CDKL3: variants seen among roughly 807,000 people sequenced by gnomAD.
CDKL3 encodes the protein cyclin dependent kinase like 3.
In CDKL3, 65 loss-of-function variants were observed where a neutral mutation model predicts 69.3. The ratio of observed to expected loss-of-function variants is 0.94; its 90% confidence interval spans 0.77 to 1.15. CDKL3 has a LOEUF of 1.15. CDKL3 is among the 50% of genes most tolerant of loss of function. The probability of loss-of-function intolerance (pLI) is 0.00; values close to 1 mark genes in which losing one functional copy is unlikely to be tolerated. For synonymous variants in CDKL3, 202 were observed against 221.6 expected, an observed-to-expected ratio of 0.91 and a Z score of 0.79; for missense variants, 652 against 689.2, an observed-to-expected ratio of 0.95 and a Z score of 0.61.
intron 6 of CDKL3, among the ~76,000 whole-genome samples, chr5:134,317,662 CAT>C (rs1156952393): frequency 1.3e-5 from 2 of 151,852 alleles, no homozygotes; most frequent in Non-Finnish European, 2.9e-5. Context: ...CACTGTGGCA[CAT>C]GTGTGTAATC....
At position 134,293,002 on chromosome 5, in the gene CDKL3, C is replaced by CTTTTTTT. The variant is rs558156596; in HGVS notation, c.*678-6450_*678-6444dup. Among the ~76,000 whole-genome samples the CTTTTTTT allele has an allele frequency of 7.5e-3, 329 of 43,942 alleles. 32 individuals carry two copies. The highest frequency in any genetic ancestry group is 0.01 in the Non-Finnish European group (237 of 22,828). The allele number at this position is 43,942 out of a possible 152,430, so 28.8% of individuals were successfully genotyped here. On this transcript the variant is annotated intron_variant and NMD_transcript_variant, in intron 8 of 8. Transcript: ENST00000519312. The stretch of plus-strand genomic sequence containing the variant: ...GCCCTGTTGGCCTCACTGCCAATTT[C>CTTTTTTT]TTTTTTTTTTTTTTTTTTTTTTTTT...
chr5:134,370,754 A>G (rs1463665286), upstream of CDKL3, among the ~76,000 whole-genome samples: 1 of 152,232 alleles, frequency 6.6e-6, no homozygotes, highest in African/African-American at 2.4e-5. Flanking sequence ...TGTGGGCCTC[A>G]GTATTCAAGG....
At chr5:134,309,577 A>C (rs1310472170) in intron 7 of CDKL3, among the ~76,000 whole-genome samples, 1 of 152,074 alleles carries the variant, frequency 6.6e-6, no homozygotes, top group Non-Finnish European at 1.5e-5. Context: ...CCATACTGAA[A>C]AGTTTCCTTC....
intron 4 of CDKL3, among the ~76,000 whole-genome samples, chr5:134,348,695 A>G (rs188029468): frequency 6.6e-6 from 1 of 152,346 alleles, no homozygotes; most frequent in Admixed American, 6.5e-5. Flanking sequence ...AGTATATCAG[A>G]AAAGGAATTT....
intron 6 of CDKL3, among the ~76,000 whole-genome samples, chr5:134,314,872 G>T (rs1770579860): frequency 6.6e-6 from 1 of 152,136 alleles, no homozygotes; most frequent in African/African-American, 2.4e-5. Context: ...TAGGTATCGT[G>T]TGTGTGTTTG....
chr5:134,321,944 G>C (rs774418313), intron 4 of CDKL3, 41 bp from the exon 5 acceptor site: 2 of 1,017,272 alleles, frequency 2.0e-6, no homozygotes, highest in Non-Finnish European at 3.0e-6. Context: ...TTTTCATGTA[G>C]AAATTTATAA....
intron 3 of CDKL3, among the ~76,000 whole-genome samples, chr5:134,355,953 G>A (rs1454703773): frequency 6.6e-6 from 1 of 152,170 alleles, no homozygotes; most frequent in Non-Finnish European, 1.5e-5. Context: ...CTGGTTTTAT[G>A]GAAGACAGTT....
chr5:134,350,021 C>G (rs947145807), intron 4 of CDKL3, among the ~76,000 whole-genome samples: 1 of 152,076 alleles, frequency 6.6e-6, no homozygotes, highest in Non-Finnish European at 1.5e-5. Flanking sequence ...AACCCCGTCT[C>G]TACTAAAAAT....
At chr5:134,308,882 C>G (rs1336205884) in intron 7 of CDKL3, among the ~76,000 whole-genome samples, 155 bp from the exon 8 acceptor site, 1 of 152,140 alleles carries the variant, frequency 6.6e-6, no homozygotes. Flanking sequence ...CAACATTTAC[C>G]TAATAAAAAT....
At chr5:134,326,853 A>ATG (rs1561563571) in intron 4 of CDKL3, among the ~76,000 whole-genome samples, 2 of 104,722 alleles carry the variant, frequency 1.9e-5, no homozygotes, top group Non-Finnish European at 3.5e-5. Context: ...ATATATATAT[A>ATG]TATATATATA....
chr5:134,371,429 G>A (rs1323543909), upstream of CDKL3: 4 of 865,086 alleles, frequency 4.6e-6, no homozygotes, highest in Admixed American at 8.3e-5. Context: ...GGAGGGATCC[G>A]GAGGCGGCGG....
At chr5:134,351,546 CA>C (rs1753305784) in intron 3 of CDKL3, among the ~76,000 whole-genome samples, 1 of 152,108 alleles carries the variant, frequency 6.6e-6, no homozygotes, top group South Asian at 2.1e-4. Flanking sequence ...ACAATCCTAC[CA>C]CCTCAACCTC....
intron 12 of CDKL3, chr5:134,302,115 A>ACTGG: frequency 2.2e-6 from 1 of 456,046 alleles, no homozygotes; most frequent in Non-Finnish European, 4.4e-6. Context: ...GTGGGTAGGG[A>ACTGG]CTGGGAATAT....
chr5:134,371,457 G>C, upstream of CDKL3: 2 of 1,103,402 alleles, frequency 1.8e-6, no homozygotes, highest in Admixed American at 5.1e-5. Context: ...CGTCATTGCA[G>C]GGTTGTTTGT....
chr5:134,308,909 T>C (rs1206932497), intron 7 of CDKL3, among the ~76,000 whole-genome samples, 182 bp from the exon 8 acceptor site: 1 of 152,238 alleles, frequency 6.6e-6, no homozygotes, highest in African/African-American at 2.4e-5. Flanking sequence ...CTTCTAAAGA[T>C]ACATCTTTCG....
upstream of CDKL3, among the ~76,000 whole-genome samples, chr5:134,369,261 A>G (rs560278197): frequency 2.0e-5 from 3 of 152,356 alleles, no homozygotes; most frequent in South Asian, 6.2e-4. Flanking sequence ...TAAAAGTGTT[A>G]TATCATTTTG....
At chr5:134,334,995 T>C (rs1776707802) in intron 4 of CDKL3, among the ~76,000 whole-genome samples, 1 of 152,168 alleles carries the variant, frequency 6.6e-6, no homozygotes, top group South Asian at 2.1e-4. Context: ...ATCTGGGTGG[T>C]TCTGTGTTGG....
At chr5:134,355,397 C>T (rs1754354394) in intron 3 of CDKL3, among the ~76,000 whole-genome samples, 1 of 152,008 alleles carries the variant, frequency 6.6e-6, no homozygotes. Context: ...GGAGACATCC[C>T]TGGGGAAAAT....
chr5:134,283,405 T>A (rs908635263), downstream of CDKL3, among the ~76,000 whole-genome samples: 2 of 152,122 alleles, frequency 1.3e-5, no homozygotes, highest in African/African-American at 4.8e-5. Flanking sequence ...GGCTTCACAA[T>A]CATGGTGGAA....
Sources: allele counts gnomAD v4.1 joint callset (sites outside exome capture counted in the v4.1 genomes callset), GRCh38; gene constraint gnomAD v4.1.1; transcripts MANE v1.5; gene names NCBI Gene and HGNC (gene_info 2026-07-23, HGNC 2026-07-21).